The following TXNRD1 variants were observed in gnomAD, a reference collection of about 807,000 sequenced individuals.
The protein encoded by TXNRD1 is thioredoxin reductase 1, also known as thioredoxin reductase 1, cytoplasmic.
A neutral mutation model predicts 80.3 loss-of-function variants in TXNRD1; 57 were observed. That is an observed-to-expected ratio of 0.71 (90% CI 0.57 to 0.89). TXNRD1 has a LOEUF of 0.89. Among genes scored for constraint, TXNRD1 ranks in the 40% least tolerant of loss-of-function variants. TXNRD1 has a pLI of 0.00. For missense variants in TXNRD1, 730 were observed against 803.0 expected (o/e 0.91, Z 1.10); for synonymous variants, 291 against 285.2 (o/e 1.02, Z -0.20).
At chr12:104,263,826 G>A (rs149706955) in intron 3 of TXNRD1, among the ~76,000 whole-genome samples, 180 of 152,334 alleles carry the variant, frequency 1.2e-3, no homozygotes, top group African/African-American at 3.9e-3. Context: ...GCAAGAGGGA[G>A]AGGAACTAAT....
intron 3 of TXNRD1, among the ~76,000 whole-genome samples, chr12:104,273,696 G>A (rs1317942846): frequency 5.3e-5 from 8 of 152,204 alleles, no homozygotes; most frequent in South Asian, 2.1e-4. Flanking sequence ...CCCGACCTGC[G>A]CGTGGCAGCC....
chr12:104,344,075 C>T lies in TXNRD1; in HGVS notation c.1882-4278C>T, dbSNP rs372471154. Among the ~76,000 whole-genome samples, 8 of 152,204 alleles carry T rather than the reference C, an allele frequency of 5.3e-5. No individual in the cohort carries two copies. In the East Asian group the frequency reaches 1.3e-3, roughly 26 times the overall value. The stretch of plus-strand genomic sequence containing the variant: ...CCGAGATCACGACACTGCACTCCAG[C>T]CTGGAGCGAGACTCTATCTCAAATA... On this transcript the variant is annotated intron_variant, in intron 16 of 16. Transcript: ENST00000525566.
chr12:104,328,506 C>T (rs1042823508), intron 13 of TXNRD1, among the ~76,000 whole-genome samples: 12 of 152,106 alleles, frequency 7.9e-5, no homozygotes, highest in Admixed American at 2.6e-4. Flanking sequence ...CCTGTAATCC[C>T]AGCACTTTGG....
chr12:104,290,244 T>C (rs1456540792), intron 4 of TXNRD1, among the ~76,000 whole-genome samples: 3 of 152,224 alleles, frequency 2.0e-5, no homozygotes, highest in Non-Finnish European at 4.4e-5. Flanking sequence ...TTATTTATTT[T>C]TGACAAATGG....
chr12:104,304,644 A>C, intron 4 of TXNRD1: 1 of 1,613,912 alleles, frequency 6.2e-7, no homozygotes, highest in Non-Finnish European at 8.5e-7. Flanking sequence ...AAGTATCCTG[A>C]TACTCCTGTG....
intron 11 of TXNRD1, 47 bp from the exon 12 acceptor site, chr12:104,326,300 G>A (rs768041178): frequency 7.6e-7 from 1 of 1,313,466 alleles, no homozygotes; most frequent in Non-Finnish European, 1.0e-6. Flanking sequence ...GGTAATAAAT[G>A]CAAAGCCTTT....
At chr12:104,326,460 A>ATTT (rs371884469) in intron 12 of TXNRD1, 37 bp downstream of exon 12, 29,229 of 533,728 alleles carry the variant, frequency 0.055, 488 homozygotes, top group African/African-American at 0.075. Context: ...TATTTGTGGG[A>ATTT]TTTTTTTTTT....
chr12:104,326,821 AT>A (rs2035783075), intron 12 of TXNRD1, among the ~76,000 whole-genome samples: 1 of 150,272 alleles, frequency 6.7e-6, no homozygotes, highest in South Asian at 2.1e-4. Flanking sequence ...CAATTATAGA[AT>A]TTTAGTTTTT....
In TXNRD1 at chr12:104,319,028, G is replaced by C. The variant is rs932908579; in HGVS notation, c.846G>C (p.Gly282=). ...EKKVVYENAY[G]QFIGPHRIKA... ...AAGTCGTCTATGAGAATGCTTATGG[G>C]CAATTTATTGGTCCTCACAGGATTA... Residue 282 remains glycine, a synonymous_variant, in exon 8 of 17, where the codon GGG becomes GGC. Transcript: ENST00000525566. 6.2e-7 allele frequency: 1 copy of C among 1,613,762 alleles called. No homozygotes were observed.
At chr12:104,262,395 G>C (rs2033386447) in intron 3 of TXNRD1, 2 of 152,182 alleles carry the variant, frequency 1.3e-5, no homozygotes. Context: ...ACACAGGAGA[G>C]GTGTGATCTG....
In TXNRD1 at chr12:104,301,992, C is replaced by G. The variant is rs114476722; in HGVS notation, c.415-9298C>G. Among the ~76,000 whole-genome samples the G allele has an allele frequency of 3.4e-3, 525 of 152,276 alleles. 5 individuals are homozygous for G. The highest frequency in any genetic ancestry group is 0.012 in the African/African-American group (499 of 41,556). ...AGTAGATGCTGGGATAGTTTTAAAT[C>G]TATTTTAAGTTATACATTCAGTACA... On this transcript the variant is annotated intron_variant, in intron 4 of 16. Transcript: ENST00000525566.
chr12:104,268,646 G>T (rs2033587881), intron 3 of TXNRD1, among the ~76,000 whole-genome samples: 1 of 152,080 alleles, frequency 6.6e-6, no homozygotes, highest in Admixed American at 6.5e-5. Context: ...AGCCTCCTGA[G>T]TAGCTGAGAC....
intron 4 of TXNRD1, among the ~76,000 whole-genome samples, chr12:104,294,927 A>G (rs975864069): frequency 2.1e-4 from 32 of 152,320 alleles, no homozygotes; most frequent in African/African-American, 6.3e-4. Context: ...AGAAAACACA[A>G]TTTATTTTGT....
intron 3 of TXNRD1, among the ~76,000 whole-genome samples, chr12:104,266,996 T>TA (rs1272288538): frequency 6.7e-6 from 1 of 148,934 alleles, no homozygotes; most frequent in Non-Finnish European, 1.5e-5. Flanking sequence ...AAAATAAAAA[T>TA]AAAAAATAAA....
At chr12:104,323,570 G>A (rs1374297625) in intron 10 of TXNRD1, among the ~76,000 whole-genome samples, 13 of 119,028 alleles carry the variant, frequency 1.1e-4, no homozygotes, top group South Asian at 2.8e-4. Context: ...GCGGCTGGCC[G>A]GGCGGGGGGC....
At chr12:104,220,830 T>C (rs1185485747) in intron 1 of TXNRD1, among the ~76,000 whole-genome samples, 1 of 152,320 alleles carries the variant, frequency 6.6e-6, no homozygotes, top group East Asian at 1.9e-4. Context: ...ATGCCTTTTC[T>C]TTACCTTCAT....
At chr12:104,254,644 A>AAAAAAAAAAAATATATATAT in intron 2 of TXNRD1, among the ~76,000 whole-genome samples, 2 of 93,634 alleles carry the variant, frequency 2.1e-5, no homozygotes, top group African/African-American at 5.2e-5. Flanking sequence ...AAAAAAAAAA[A>AAAAAAAAAAAATATATATAT]ATATATATAT....
Position 104,326,373 on chromosome 12 carries a change from T to C in TXNRD1, c.1335T>C (p.Ala445=), listed in dbSNP as rs752754534. Residue 445 remains alanine (A), a synonymous_variant, in exon 12 of 17, where the codon GCT becomes GCC. Coordinates refer to ENST00000525566, the MANE Select transcript of TXNRD1 (RefSeq NM_001093771.3). ...NTVMLAIGRD[A]CTRKIGLETV... ...TGATGCTGGCAATAGGAAGAGATGC[T>C]TGCACAAGAAAAATTGGCTTAGAAA... 31 of 1,595,120 alleles carry C rather than the reference T, an allele frequency of 1.9e-5. No homozygotes were observed. The highest frequency in any genetic ancestry group is 2.6e-5 in the Non-Finnish European group (31 of 1,172,344).
rs763682075 is a variant in TXNRD1 at position 104,319,567 on chromosome 12, A to G, written c.971A>G (p.Lys324Arg). The G allele has an allele frequency of 6.2e-7, 1 of 1,602,258 alleles. No homozygotes were observed. The highest frequency in any genetic ancestry group is 1.3e-5 in the African/African-American group (1 of 74,768). The change falls in exon 9 of 17, where the codon AAA becomes AGA. Residue 324 changes from lysine to arginine, a missense_variant. Transcript: ENST00000525566. ...CGTTACTTGGGCATCCCTGGTGACA[A>G]AGAATACTGCATCAGCAGGTAAAGG... is the stretch of plus-strand genomic sequence containing the variant. ...RPRYLGIPGD[K>R]EYCISSDDLF... is the part of the protein sequence containing the mutation.
Sources: gnomAD v4.1 joint callset for allele counts (sites outside exome capture counted in the v4.1 genomes callset) on GRCh38, gnomAD v4.1.1 for gene constraint, MANE v1.5 for transcripts, NCBI Gene and HGNC (gene_info 2026-07-23, HGNC 2026-07-21) for gene names.